SNTG1: variants seen among roughly 807,000 people sequenced by gnomAD.
The protein encoded by SNTG1 is syntrophin gamma 1, also known as gamma-1-syntrophin.
SNTG1 carries 39 observed loss-of-function variants against 74.7 expected under a neutral mutation model. The ratio of observed to expected loss-of-function variants is 0.52; its 90% confidence interval spans 0.40 to 0.68. SNTG1 has a LOEUF of 0.68. Ranked by LOEUF, SNTG1 falls within the 30% of genes least tolerant of loss-of-function variation. The pLI, the probability that SNTG1 is intolerant of heterozygous loss-of-function variation, is 0.00. For missense variants in SNTG1, 685 were observed against 609.5 expected (o/e 1.12, Z -1.30); for synonymous variants, 254 against 217.1 (o/e 1.17, Z -1.49).
In SNTG1 at chr8:50,381,558, A is replaced by ATGTG. The variant is rs372674229; in HGVS notation, c.-27-12622_-27-12619dup. On this transcript the variant is annotated intron_variant, in intron 2 of 18. Coordinates refer to ENST00000642720, the MANE Select transcript of SNTG1 (RefSeq NM_018967.5). ...TCTAGAGGGACAGAACTAATAGGAT[A>ATGTG]TGTGTGTGTGTGTGTGTGTGTGTGT... is the stretch of plus-strand genomic sequence containing the variant. 3.0e-3 allele frequency among the ~76,000 whole-genome samples: 327 copies of ATGTG among 108,576 alleles called. 5 individuals carry two copies. The highest frequency in any genetic ancestry group is 0.015 in the Middle Eastern group (3 of 196). 71.2% of individuals were successfully genotyped at this position (108,576 alleles called of 152,430 possible). A position where few individuals can be genotyped will look rare whatever the true frequency, so the allele number is the denominator to read the frequency against.
chr8:50,197,283 T>C (rs2083810089), intron 2 of SNTG1, among the ~76,000 whole-genome samples: 1 of 152,228 alleles, frequency 6.6e-6, no homozygotes, highest in Non-Finnish European at 1.5e-5. Context: ...ATATGTAATA[T>C]GTACATAAAG....
chr8:50,548,092 A>G (rs1287308448), intron 11 of SNTG1, among the ~76,000 whole-genome samples: 7 of 152,222 alleles, frequency 4.6e-5, no homozygotes, highest in Non-Finnish European at 8.8e-5. Context: ...GATCAATTGT[A>G]CTGGTGCTTC....
chr8:50,241,859 G>T lies in SNTG1; in HGVS notation c.-28+69224G>T, dbSNP rs186234833. 3.3e-5 allele frequency among the ~76,000 whole-genome samples: 5 copies of T among 152,184 alleles called. No homozygotes were observed. The East Asian group carries it at 7.8e-4, about 24-fold the overall frequency. The stretch of plus-strand genomic sequence containing the variant: ...AGAGTACGCAGGTAGAACTTGGGAA[G>T]CAATAGGGATCCCACTGCCCAGCAC... On this transcript the variant is annotated intron_variant, in intron 2 of 18. Coordinates refer to ENST00000642720, the MANE Select transcript of SNTG1 (RefSeq NM_018967.5).
intron 13 of SNTG1, among the ~76,000 whole-genome samples, chr8:50,649,505 A>G (rs1280664004): frequency 6.6e-6 from 1 of 152,140 alleles, no homozygotes; most frequent in Non-Finnish European, 1.5e-5. Flanking sequence ...TCTCAAAAAA[A>G]GAAGTGAGGA....
Position 50,105,548 on chromosome 8 carries a change from A to C in SNTG1, c.-102-67013A>C, listed in dbSNP as rs58489562. The stretch of plus-strand genomic sequence containing the variant: ...TTTGGGCTCTTTTTTGTCTTCAAAT[A>C]ATTTTTTTCTAATTCTGTGAAGAAA... On this transcript the variant is annotated intron_variant, in intron 1 of 18. Transcript: ENST00000642720. 8.6e-3 allele frequency among the ~76,000 whole-genome samples: 1,304 copies of C among 151,690 alleles called. 26 individuals are homozygous for C. Among genetic ancestry groups the C allele is most frequent in the African/African-American group, 0.03 (1,242 of 41,418 alleles).
intron 4 of SNTG1, among the ~76,000 whole-genome samples, chr8:50,403,450 G>C (rs2092831397): frequency 6.6e-6 from 1 of 152,124 alleles, no homozygotes; most frequent in Non-Finnish European, 1.5e-5. Flanking sequence ...TGTTCCCATG[G>C]GGTTGTCCTT....
intron 2 of SNTG1, among the ~76,000 whole-genome samples, chr8:50,199,943 C>T (rs145132142): frequency 1.4e-3 from 210 of 152,188 alleles, no homozygotes; most frequent in Non-Finnish European, 2.4e-3. Flanking sequence ...AGCATTTGGG[C>T]GCTAATAGGA....
chr8:50,703,906 T>C (rs1563764241), intron 15 of SNTG1, among the ~76,000 whole-genome samples: 1 of 152,214 alleles, frequency 6.6e-6, no homozygotes, highest in Non-Finnish European at 1.5e-5. Flanking sequence ...TTTAAAATGC[T>C]ATATCTGACA....
At chr8:50,737,963 G>A (rs1211462972) in intron 17 of SNTG1, among the ~76,000 whole-genome samples, 1 of 152,030 alleles carries the variant, frequency 6.6e-6, no homozygotes, top group East Asian at 1.9e-4. Flanking sequence ...TACTGAATGG[G>A]CAAAAGTGGG....
chr8:49,948,027 A>T (rs1294112490), intron 1 of SNTG1, among the ~76,000 whole-genome samples: 1 of 152,060 alleles, frequency 6.6e-6, no homozygotes, highest in Non-Finnish European at 1.5e-5. Context: ...GTTACTCAGG[A>T]AACTGAGGCA....
At chr8:50,354,420 AT>A (rs2091760072) in intron 2 of SNTG1, among the ~76,000 whole-genome samples, 1 of 152,058 alleles carries the variant, frequency 6.6e-6, no homozygotes, top group Admixed American at 6.6e-5. Context: ...TTTGTACTAG[AT>A]TTTAGGCCTT....
intron 2 of SNTG1, among the ~76,000 whole-genome samples, chr8:50,280,490 A>G (rs879488489): frequency 4.6e-5 from 7 of 152,182 alleles, no homozygotes; most frequent in Non-Finnish European, 8.8e-5. Flanking sequence ...GTAAGTGACC[A>G]TGGCCCAAGG....
intron 2 of SNTG1, among the ~76,000 whole-genome samples, chr8:50,266,214 TA>T (rs2087457716): frequency 6.6e-6 from 1 of 152,058 alleles, no homozygotes; most frequent in African/African-American, 2.4e-5. Flanking sequence ...GAGCAAGAAG[TA>T]TAAGACTGGT....
intron 12 of SNTG1, among the ~76,000 whole-genome samples, chr8:50,553,782 C>T (rs767236528): frequency 3.9e-5 from 6 of 152,092 alleles, no homozygotes; most frequent in South Asian, 2.1e-4. Context: ...TTCTTTCCCC[C>T]GTTATTAATA....
intron 17 of SNTG1, among the ~76,000 whole-genome samples, chr8:50,716,582 T>G (rs1420079412): frequency 6.6e-6 from 1 of 152,128 alleles, no homozygotes. Flanking sequence ...ACTTGTTTCC[T>G]AATCTTCAAG....
At chr8:50,555,032 C>T (rs1271202304) in intron 12 of SNTG1, among the ~76,000 whole-genome samples, 1 of 152,086 alleles carries the variant, frequency 6.6e-6, no homozygotes, top group African/African-American at 2.4e-5. Context: ...AGCTGACAAG[C>T]ATTTGAAAAG....
At chr8:50,339,151 G>A (rs974019803) in intron 2 of SNTG1, among the ~76,000 whole-genome samples, 27 of 151,986 alleles carry the variant, frequency 1.8e-4, no homozygotes, top group Non-Finnish European at 1.2e-4. Flanking sequence ...TAATTAAAAT[G>A]TTGAAAATTT....
chr8:50,700,435 C>A lies in SNTG1; in HGVS notation c.1039-4165C>A, dbSNP rs551083345. ...GCTATAGTCACTTTTCACTAAATTTCTGATAAAGGAACCCCTGCTTTTTCC... is the reference window on the plus strand; with the variant it reads ...GCTATAGTCACTTTTCACTAAATTTATGATAAAGGAACCCCTGCTTTTTCC... On this transcript the variant is annotated intron_variant, in intron 15 of 18. Coordinates refer to ENST00000642720, the MANE Select transcript of SNTG1 (RefSeq NM_018967.5). Among the ~76,000 whole-genome samples the A allele has an allele frequency of 2.0e-5, 3 of 152,262 alleles. No individual in the cohort carries two copies. The East Asian group carries it at 5.8e-4, about 29-fold the overall frequency.
At chr8:50,688,924 G>T (rs896556571) in intron 15 of SNTG1, among the ~76,000 whole-genome samples, 10 of 151,974 alleles carry the variant, frequency 6.6e-5, no homozygotes, top group South Asian at 2.1e-4. Context: ...GTATCCTCTT[G>T]TATTTCATTG....
Sources: gnomAD v4.1 joint callset for allele counts (sites outside exome capture counted in the v4.1 genomes callset) on GRCh38, gnomAD v4.1.1 for gene constraint, MANE v1.5 for transcripts, NCBI Gene and HGNC (gene_info 2026-07-23, HGNC 2026-07-21) for gene names.